CSNK1G3: variants seen among roughly 807,000 people sequenced by gnomAD.
The protein encoded by CSNK1G3 is casein kinase 1 gamma 3, also known as casein kinase I isoform gamma-3.
Under a neutral mutation model 64.3 loss-of-function variants are expected in CSNK1G3, and 23 were observed. That is an observed-to-expected ratio of 0.36 (90% CI 0.26 to 0.51). The LOEUF (loss-of-function observed/expected upper bound fraction) is 0.51. Ranked by LOEUF, CSNK1G3 falls within the 20% of genes least tolerant of loss-of-function variation. The pLI is 0.96. For synonymous variants in CSNK1G3, 158 were observed against 162.2 expected, an observed-to-expected ratio of 0.97 and a Z score of 0.20; for missense variants, 357 against 510.5, an observed-to-expected ratio of 0.70 and a Z score of 2.90.
chr5:123,560,341 C>T (rs147215382), intron 4 of CSNK1G3, among the ~76,000 whole-genome samples: 347 of 152,244 alleles, frequency 2.3e-3, no homozygotes, highest in Admixed American at 3.8e-3. Flanking sequence ...CATAGAACTA[C>T]CATTTGATCT....
intron 1 of CSNK1G3, among the ~76,000 whole-genome samples, chr5:123,528,505 A>T (rs970650576): frequency 6.6e-6 from 1 of 152,196 alleles, no homozygotes; most frequent in Admixed American, 6.5e-5. Flanking sequence ...AGGACATCAG[A>T]TTAACAAATG....
At chr5:123,591,483 A>C (rs772333871) in intron 10 of CSNK1G3, 69 bp downstream of exon 10, 3 of 909,588 alleles carry the variant, frequency 3.3e-6, no homozygotes, top group East Asian at 2.7e-5. Flanking sequence ...TCTTCAATAG[A>C]TAAAACAGAC....
At chr5:123,559,930 AT>A (rs1238670027) in intron 4 of CSNK1G3, among the ~76,000 whole-genome samples, 1 of 152,116 alleles carries the variant, frequency 6.6e-6, no homozygotes, top group Admixed American at 6.6e-5. Flanking sequence ...GGTATGCTGA[AT>A]TTCATTTATA....
Position 123,538,988 on chromosome 5 carries a change from C to G in CSNK1G3, c.-247-6429C>G, listed in dbSNP as rs1396360552. On this transcript the variant is annotated intron_variant, in intron 1 of 12. Coordinates refer to ENST00000345990, the Ensembl canonical transcript of CSNK1G3. ...TGGTATTTGTATTTAGGTTTATGAT[C>G]CATTTCAAATTATTATTTTTTAAAA... 2.0e-5 allele frequency among the ~76,000 whole-genome samples: 3 copies of G among 152,060 alleles called. No homozygotes were observed. In the East Asian group the frequency reaches 5.8e-4, roughly 29 times the overall value.
intron 3 of CSNK1G3, among the ~76,000 whole-genome samples, chr5:123,554,847 T>C (rs1451561806): frequency 6.6e-6 from 1 of 152,202 alleles, no homozygotes; most frequent in African/African-American, 2.4e-5. Context: ...ATCTGATATA[T>C]TAAGGCAGAT....
chr5:123,584,708 T>A (rs1173689584), intron 6 of CSNK1G3, among the ~76,000 whole-genome samples: 1 of 152,196 alleles, frequency 6.6e-6, no homozygotes, highest in East Asian at 1.9e-4. Context: ...AGCGATGCTA[T>A]CTGGATTGTA....
exon 13 of CSNK1G3, chr5:123,614,526 A>G (rs1749122732): frequency 2.9e-6 from 2 of 682,910 alleles, no homozygotes; most frequent in Non-Finnish European, 4.6e-6. Context: ...TCATACTTTC[A>G]TACTTCATTT....
chr5:123,600,296 T>C (rs1794224256), intron 10 of CSNK1G3, among the ~76,000 whole-genome samples: 1 of 152,204 alleles, frequency 6.6e-6, no homozygotes, highest in East Asian at 1.9e-4. Flanking sequence ...ATCAAGGTTC[T>C]ACTTAGTAAT....
chr5:123,581,360 G>GTTTTTTTTTTTTTTTT (rs10612602), intron 6 of CSNK1G3, among the ~76,000 whole-genome samples: 1 of 81,602 alleles, frequency 1.2e-5, no homozygotes, highest in Non-Finnish European at 2.3e-5. Flanking sequence ...TTTTGGGTTT[G>GTTTTTTTTTTTTTTTT]TTTTTTTTTT....
intron 2 of CSNK1G3, among the ~76,000 whole-genome samples, chr5:123,546,767 CT>C (rs1374618982): frequency 6.6e-6 from 1 of 152,078 alleles, no homozygotes; most frequent in African/African-American, 2.4e-5. Context: ...ACTACTTCTT[CT>C]TTTCATCTTG....
chr5:123,558,990 CT>C (rs963682714), intron 4 of CSNK1G3, among the ~76,000 whole-genome samples: 9 of 152,238 alleles, frequency 5.9e-5, no homozygotes, highest in African/African-American at 1.9e-4. Flanking sequence ...CTAGTTGGCC[CT>C]TCTTAAGAGA....
At chr5:123,588,130 A>G (rs747900819) in exon 7 of CSNK1G3, 1 of 1,604,388 alleles carries the variant, frequency 6.2e-7, no homozygotes, top group Non-Finnish European at 8.5e-7. Context: ...TCTGAGAGGC[A>G]GTCTTCCTTG....
intron 1 of CSNK1G3, among the ~76,000 whole-genome samples, chr5:123,517,467 A>G (rs1489048073): frequency 6.6e-6 from 1 of 152,184 alleles, no homozygotes; most frequent in Non-Finnish European, 1.5e-5. Flanking sequence ...TCAAGTGAGT[A>G]GCCAAAATCA....
exon 13 of CSNK1G3, chr5:123,616,012 A>G (rs937748865): frequency 2.6e-5 from 4 of 152,014 alleles, no homozygotes; most frequent in African/African-American, 9.7e-5. Context: ...TTTTTGATGA[A>G]TTAGGCACCC....
chr5:123,568,637 G>T (rs942664842), intron 4 of CSNK1G3, among the ~76,000 whole-genome samples: 1 of 152,116 alleles, frequency 6.6e-6, no homozygotes, highest in Non-Finnish European at 1.5e-5. Context: ...TTTGATGATT[G>T]CCCTCAGTTG....
chr5:123,561,664 C>T (rs1207964700), intron 4 of CSNK1G3, among the ~76,000 whole-genome samples: 1 of 152,130 alleles, frequency 6.6e-6, no homozygotes, highest in African/African-American at 2.4e-5. Flanking sequence ...TTCTTTATCT[C>T]CTGCTTCTAT....
At chr5:123,555,359 A>G (rs1180791436) in intron 3 of CSNK1G3, among the ~76,000 whole-genome samples, 2 of 151,916 alleles carry the variant, frequency 1.3e-5, no homozygotes, top group Non-Finnish European at 2.9e-5. Flanking sequence ...ATGTTTTTTC[A>G]TTTGTGTCTG....
intron 1 of CSNK1G3, among the ~76,000 whole-genome samples, chr5:123,531,999 T>C (rs774335125): frequency 7.9e-5 from 12 of 151,884 alleles, no homozygotes; most frequent in Non-Finnish European, 1.2e-4. Flanking sequence ...AAAGCTTCTG[T>C]GAGGGAAATT....
rs765460988 is a variant in CSNK1G3 at position 123,590,423 on chromosome 5, A to G, written c.855A>G (p.Thr285=). 6.2e-6 allele frequency: 9 copies of G among 1,458,300 alleles called. No individual in the cohort carries two copies. The South Asian group carries it at 7.2e-5, about 12-fold the overall frequency. The allele number at this position is 1,458,300 out of a possible 1,614,324, so 90.3% of individuals were successfully genotyped here. A position where few individuals can be genotyped will look rare whatever the true frequency, so the allele number is the denominator to read the frequency against. The change falls in exon 9 of 13, where the codon ACA becomes ACG. Residue 285 remains threonine (T), a synonymous_variant. Coordinates refer to ENST00000345990, the Ensembl canonical transcript of CSNK1G3. ...TATTATTTCTAGAAGAAATGGCAAC[A>G]TATCTTCGTTATGTAAGAAGGCTAG... is the stretch of plus-strand genomic sequence containing the variant.
Sources: allele counts gnomAD v4.1 joint callset (sites outside exome capture counted in the v4.1 genomes callset), GRCh38; gene constraint gnomAD v4.1.1; transcripts MANE v1.5; gene names NCBI Gene and HGNC (gene_info 2026-07-23, HGNC 2026-07-21).